Variants in TRAF2 observed in about 807,000 individuals in gnomAD.
TRAF2 encodes the protein TNF receptor-associated factor 2.
TRAF2 carries 6 observed loss-of-function variants against 55.6 expected under a neutral mutation model. That is an observed-to-expected ratio of 0.11 (90% CI 0.06 to 0.21). The LOEUF (loss-of-function observed/expected upper bound fraction) is 0.21. TRAF2 is among the 10% of genes least tolerant of loss of function. The probability of loss-of-function intolerance (pLI) is 1.00; values close to 1 mark genes in which losing one functional copy is unlikely to be tolerated. For missense variants in TRAF2, 561 were observed against 684.5 expected (o/e 0.82, Z 2.01); for synonymous variants, 329 against 276.3 (o/e 1.19, Z -1.89).
At chr9:136,916,648 C>G (rs759430275) in intron 7 of TRAF2, 33 bp downstream of exon 7, 2 of 1,607,708 alleles carry the variant, frequency 1.2e-6, no homozygotes, top group Non-Finnish European at 1.7e-6. Context: ...GGGGGCCACC[C>G]CTCATCCTGG....
chr9:136,904,546 C>T (rs1454194281), intron 4 of TRAF2, among the ~76,000 whole-genome samples: 1 of 152,078 alleles, frequency 6.6e-6, no homozygotes, highest in Non-Finnish European at 1.5e-5. Flanking sequence ...GCTAGGACTA[C>T]AGGCGCTCAC....
intron 4 of TRAF2, among the ~76,000 whole-genome samples, chr9:136,905,010 G>A (rs749708362): frequency 2.8e-4 from 43 of 152,238 alleles, no homozygotes; most frequent in Non-Finnish European, 3.7e-4. Flanking sequence ...CTGTGCCTGT[G>A]TGAAGGTTTG....
intron 7 of TRAF2, among the ~76,000 whole-genome samples, chr9:136,917,997 G>T (rs1850280714): frequency 6.6e-6 from 1 of 151,880 alleles, no homozygotes; most frequent in Non-Finnish European, 1.5e-5. Flanking sequence ...TTGCACAAAG[G>T]ATCTCCCCGT....
At chr9:136,912,685 A>G (rs960910632) in intron 6 of TRAF2, among the ~76,000 whole-genome samples, 3 of 152,132 alleles carry the variant, frequency 2.0e-5, no homozygotes, top group African/African-American at 7.2e-5. Context: ...GAAAATACAA[A>G]AATTAGCTGG....
In TRAF2 at chr9:136,926,571, G is replaced by T. The variant is rs1850537899; in HGVS notation, c.*670G>T. On this transcript the variant is annotated 3_prime_UTR_variant, in exon 11 of 11. Transcript: ENST00000247668. Reference sequence around the variant, plus strand: ...GTAAAGTGTGAGAGCTTGCCATCCAGCTCACGAAGACAGAGTTATTAAACC... The same window carrying T: ...GTAAAGTGTGAGAGCTTGCCATCCATCTCACGAAGACAGAGTTATTAAACC... 2 of 166,096 alleles carry T rather than the reference G, an allele frequency of 1.2e-5. No homozygotes were observed. The highest frequency in any genetic ancestry group is 1.1e-4 in the Admixed American group (2 of 18,198). 10.3% of individuals were successfully genotyped at this position (166,096 alleles called of 1,614,324 possible). A position where few individuals can be genotyped will look rare whatever the true frequency, so the allele number is the denominator to read the frequency against.
intron 6 of TRAF2, among the ~76,000 whole-genome samples, chr9:136,912,159 T>C (rs1282015544): frequency 9.7e-5 from 1 of 10,282 alleles, no homozygotes; most frequent in African/African-American, 5.8e-4. Context: ...GCCCTTTTTT[T>C]TTTTTTTTTT....
At chr9:136,903,674 T>TG (rs1849876209) in intron 4 of TRAF2, among the ~76,000 whole-genome samples, 1 of 151,630 alleles carries the variant, frequency 6.6e-6, no homozygotes, top group African/African-American at 2.4e-5. Flanking sequence ...GAAAGGTTTT[T>TG]TTTGTTTGTT....
intron 4 of TRAF2, among the ~76,000 whole-genome samples, chr9:136,901,163 C>T (rs1412888813): frequency 6.6e-6 from 1 of 152,188 alleles, no homozygotes; most frequent in Non-Finnish European, 1.5e-5. Flanking sequence ...CTCACGTCAC[C>T]TTTTAGGCAT....
intron 3 of TRAF2, 38 bp downstream of exon 3, chr9:136,899,710 A>G: frequency 1.9e-6 from 3 of 1,588,908 alleles, no homozygotes; most frequent in Non-Finnish European, 2.6e-6. Flanking sequence ...TGTTGAACAG[A>G]AAATGTCTTA....
chr9:136,900,576 C>T (rs1188750843), intron 4 of TRAF2, 56 bp downstream of exon 4: 2 of 1,411,976 alleles, frequency 1.4e-6, no homozygotes, highest in Non-Finnish European at 2.0e-6. Flanking sequence ...GGGAGTCGTC[C>T]ACGCTCCCCA....
At chr9:136,915,762 A>G (rs1850226329) in intron 6 of TRAF2, among the ~76,000 whole-genome samples, 1 of 152,100 alleles carries the variant, frequency 6.6e-6, no homozygotes, top group Admixed American at 6.5e-5. Context: ...CTTGCTGTTC[A>G]TGACTCCTGC....
At chr9:136,920,866 A>G (rs1003846956) in intron 8 of TRAF2, among the ~76,000 whole-genome samples, 172 bp from the exon 9 acceptor site, 2 of 151,998 alleles carry the variant, frequency 1.3e-5, no homozygotes, top group Non-Finnish European at 2.9e-5. Flanking sequence ...TGGAGCCACC[A>G]CCTCTTGGCG....
At chr9:136,917,832 A>C (rs1382397787) in intron 7 of TRAF2, among the ~76,000 whole-genome samples, 2 of 152,064 alleles carry the variant, frequency 1.3e-5, no homozygotes, top group African/African-American at 4.8e-5. Context: ...TGCCATCTCT[A>C]GGAAGCCCAG....
rs572650095 is a variant in TRAF2 at position 136,917,040 on chromosome 9, G to A, written c.678+425G>A. 2.0e-5 allele frequency among the ~76,000 whole-genome samples: 3 copies of A among 152,226 alleles called. No homozygotes were observed. The South Asian group carries it at 6.2e-4, about 32-fold the overall frequency. On this transcript the variant is annotated intron_variant, in intron 7 of 10. Coordinates refer to ENST00000247668, the MANE Select transcript of TRAF2 (RefSeq NM_021138.4). Reference sequence around the variant, plus strand: ...AGCCCTCCGCCACCAGCAGGCACTCGGGCCCCTCCTCTCGCCTCATGCTTC... The same window carrying A: ...AGCCCTCCGCCACCAGCAGGCACTCAGGCCCCTCCTCTCGCCTCATGCTTC...
intron 7 of TRAF2, among the ~76,000 whole-genome samples, chr9:136,918,793 T>C (rs1188434478): frequency 6.6e-6 from 1 of 152,114 alleles, no homozygotes; most frequent in African/African-American, 2.4e-5. Context: ...TGGAGTGCAG[T>C]GGCGCCATCT....
intron 5 of TRAF2, 63 bp from the exon 6 acceptor site, chr9:136,909,857 C>T: frequency 6.4e-7 from 1 of 1,556,930 alleles, no homozygotes; most frequent in Non-Finnish European, 8.8e-7. Context: ...GCACTGTGTG[C>T]CGCCCTCCAC....
intron 1 of TRAF2, 151 bp from the exon 2 acceptor site, chr9:136,898,562 A>T (rs1849739824): frequency 8.3e-6 from 12 of 1,443,472 alleles, no homozygotes; most frequent in Non-Finnish European, 1.1e-5. Context: ...AGGCTCCCTG[A>T]AGCTCTGCGA....
At chr9:136,886,502 C>G (rs1273739051), upstream of TRAF2, 5 of 999,756 alleles carry the variant, frequency 5.0e-6, no homozygotes, top group Non-Finnish European at 6.0e-6. Context: ...GGGGCGGTAG[C>G]TGGGCGGGCC....
At chr9:136,911,846 C>CTTTTTTTTTTTTTTTTTTTTT (rs71492143) in intron 6 of TRAF2, among the ~76,000 whole-genome samples, 3 of 71,446 alleles carry the variant, frequency 4.2e-5, no homozygotes, top group African/African-American at 1.3e-4. Context: ...TCTCTTATCT[C>CTTTTTTTTTTTTTTTTTTTTT]TTTTTTTTTT....
Sources: allele counts gnomAD v4.1 joint callset (sites outside exome capture counted in the v4.1 genomes callset), GRCh38; gene constraint gnomAD v4.1.1; transcripts MANE v1.5; gene names NCBI Gene and HGNC (gene_info 2026-07-23, HGNC 2026-07-21).